KLHL23: variants seen among roughly 807,000 people sequenced by gnomAD.
The protein encoded by KLHL23 is kelch-like protein 23.
In KLHL23, 33 loss-of-function variants were observed where a neutral mutation model predicts 48.9. The ratio of observed to expected loss-of-function variants is 0.67; its 90% CI spans 0.51 to 0.90. KLHL23 has a LOEUF of 0.90. Ranked by LOEUF, KLHL23 falls within the 40% of genes least tolerant of loss-of-function variation. The probability of loss-of-function intolerance (pLI) is 0.00; values close to 1 mark genes in which losing one functional copy is unlikely to be tolerated. For missense variants in KLHL23, 608 were observed against 669.6 expected, an observed-to-expected ratio of 0.91 and a Z score of 1.02; for synonymous variants, 234 against 231.6, an observed-to-expected ratio of 1.01 and a Z score of -0.09.
chr2:169,744,249 A>G (rs769615561), intron 3 of KLHL23, among the ~76,000 whole-genome samples: 14 of 152,246 alleles, frequency 9.2e-5, no homozygotes, highest in Non-Finnish European at 1.3e-4. Flanking sequence ...AACAAGTGCT[A>G]TTGAAATTGA....
At chr2:169,746,804 G>C (rs1356771879) in intron 3 of KLHL23, among the ~76,000 whole-genome samples, 1 of 152,134 alleles carries the variant, frequency 6.6e-6, no homozygotes, top group Non-Finnish European at 1.5e-5. Flanking sequence ...AGTAATTTAA[G>C]AAAAGCCTAG....
chr2:169,740,308 C>T (rs1398405922), intron 2 of KLHL23, among the ~76,000 whole-genome samples: 1 of 151,722 alleles, frequency 6.6e-6, no homozygotes, highest in African/African-American at 2.4e-5. Context: ...GATGTGGTCT[C>T]ACTTTGTAGT....
Position 169,733,998 on chromosome 2 carries a change from T to A in KLHL23, c.-92T>A, listed in dbSNP as rs1417231379. 2 of 151,756 alleles carry A rather than the reference T, an allele frequency of 1.3e-5. No individual in the cohort carries two copies. The highest frequency in any genetic ancestry group is 2.9e-5 in the Non-Finnish European group (2 of 67,930). 9.4% of individuals were successfully genotyped at this position (151,756 alleles called of 1,614,324 possible). A position where few individuals can be genotyped will look rare whatever the true frequency, so the allele number is the denominator to read the frequency against. ...TAGCTGGCGGCTTCCGAGCGCCTCT[T>A]CCAAAGATGGTCAGAGGGGCCGGAG... On this transcript the variant is annotated 5_prime_UTR_variant, in exon 1 of 4. Transcript: ENST00000392647.
Position 169,750,251 on chromosome 2 carries a change from G to A in KLHL23, c.*519G>A, listed in dbSNP as rs1018234191. The A allele has an allele frequency of 3.9e-5, 6 of 153,452 alleles. No individual in the cohort carries two copies. Among genetic ancestry groups the A allele is most frequent in the Non-Finnish European group, 7.3e-5 (5 of 68,136 alleles). The allele number at this position is 153,452 out of a possible 1,614,324, so 9.5% of individuals were successfully genotyped here. On this transcript the variant is annotated 3_prime_UTR_variant, in exon 4 of 4. Coordinates refer to ENST00000392647, the MANE Select transcript of KLHL23 (RefSeq NM_144711.6). ...ACTTGGTAAAAGGTGAACTACCTTT[G>A]TAGTGAATCTTTTCCTCTTGGTAGC...
At chr2:169,738,373 C>A (rs148339123) in intron 2 of KLHL23, among the ~76,000 whole-genome samples, 3,916 of 152,174 alleles carry the variant, frequency 0.026, 62 homozygotes, top group East Asian at 0.08. Context: ...TCCCAAAGTG[C>A]GGGGATTATA....
At chr2:169,745,513 CAAAAAAAAAAA>C (rs1157957265) in intron 3 of KLHL23, among the ~76,000 whole-genome samples, 3 of 63,650 alleles carry the variant, frequency 4.7e-5, no homozygotes, top group Non-Finnish European at 7.6e-5. Context: ...GACTCCGTCT[CAAAAAAAAAAA>C]AAAAAAAAAA....
Position 169,747,395 on chromosome 2 carries a change from A to AAAAAAG in KLHL23, c.1367-2022_1367-2021insGAAAAA, listed in dbSNP as rs1358001522. Among the ~76,000 whole-genome samples, 5 of 150,338 alleles carry AAAAAAG rather than the reference A, an allele frequency of 3.3e-5. No individual in the cohort carries two copies. The East Asian group carries it at 9.8e-4, about 29-fold the overall frequency. ...CAGAGCGAGACTCTGTCTCTAAAAAAAAAAAAAAAAAAACTGAGGGAGAAC... is the reference window on the plus strand; with the variant it reads ...CAGAGCGAGACTCTGTCTCTAAAAAAAAAAAGAAAAAAAAAAAAACTGAGGGAGAAC... On this transcript the variant is annotated intron_variant, in intron 3 of 3. Transcript: ENST00000392647.
intron 3 of KLHL23, among the ~76,000 whole-genome samples, chr2:169,745,662 G>A (rs532130460): frequency 2.6e-5 from 4 of 152,248 alleles, no homozygotes; most frequent in African/African-American, 9.6e-5. Context: ...GAAAAGAGGG[G>A]CCGATGTGAG....
At position 169,735,066 on chromosome 2, in the gene KLHL23, C is replaced by A; in HGVS notation, c.52C>A (p.His18Asn). 1 of 1,594,360 alleles carries A rather than the reference C, an allele frequency of 6.3e-7. No individual in the cohort carries two copies. Among genetic ancestry groups the A allele is most frequent in the Non-Finnish European group, 8.5e-7 (1 of 1,174,022 alleles). ...DYIYLFKDSTHPVDFLDAFRT... is the reference protein window; with the variant it reads ...DYIYLFKDSTNPVDFLDAFRT... ...TATTTATCTTTTCAAGGATTCAACA[C>A]ATCCAGTGGATTTTCTGGATGCATT... Residue 18 changes from histidine to asparagine, a missense_variant, in exon 2 of 4, where the codon CAT becomes AAT. Transcript: ENST00000392647. The surrounding 1 kb of genome is among the most constrained non-coding windows in gnomAD (Gnocchi z 4.5).
chr2:169,737,195 T>C (rs183609001), intron 2 of KLHL23, among the ~76,000 whole-genome samples: 3 of 152,342 alleles, frequency 2.0e-5, no homozygotes, highest in Non-Finnish European at 2.9e-5. Context: ...TCTCGGATCA[T>C]TGAGAGGATT....
At chr2:169,747,974 A>AT (rs1169177105) in intron 3 of KLHL23, among the ~76,000 whole-genome samples, 3 of 152,112 alleles carry the variant, frequency 2.0e-5, no homozygotes, top group African/African-American at 7.2e-5. Flanking sequence ...AAATACAAAA[A>AT]TTAGCCAGTT....
rs958221129 is a variant in KLHL23 at position 169,749,811 on chromosome 2, C to T, written c.*79C>T. 6.7e-7 allele frequency: 1 copy of T among 1,489,350 alleles called. No homozygotes were observed. Among genetic ancestry groups the T allele is most frequent in the African/African-American group, 1.4e-5 (1 of 71,164 alleles). 92.3% of individuals were successfully genotyped at this position (1,489,350 alleles called of 1,614,324 possible). A position where few individuals can be genotyped will look rare whatever the true frequency, so the allele number is the denominator to read the frequency against. On this transcript the variant is annotated 3_prime_UTR_variant, in exon 4 of 4. Coordinates refer to ENST00000392647, the MANE Select transcript of KLHL23 (RefSeq NM_144711.6). ...AAAAAGAATGCAGGGTTTGAAGTTC[C>T]TTACCTGATAATTGTGTCTGGCACA...
chr2:169,743,051 G>A (rs569176279), intron 3 of KLHL23, among the ~76,000 whole-genome samples: 163 of 152,224 alleles, frequency 1.1e-3, no homozygotes, highest in African/African-American at 3.8e-3. Context: ...TTAGAACTGA[G>A]GTTCAAACCT....
rs144319775 is a variant in KLHL23, at chr2:169,748,537, C to T, written c.1367-885C>T. Among the ~76,000 whole-genome samples, 17 of 152,246 alleles carry T rather than the reference C, an allele frequency of 1.1e-4. 1 individual carries two copies. The East Asian group carries it at 2.7e-3, about 24-fold the overall frequency. On this transcript the variant is annotated intron_variant, in intron 3 of 3. Coordinates refer to ENST00000392647, the MANE Select transcript of KLHL23 (RefSeq NM_144711.6). ...AAACAGGGCAGAGACCAGGATGAGG[C>T]AAATGAGATGCTTCAGGCACAAAAT...
chr2:169,750,122 A>ATACGTGTGTATG lies in KLHL23; in HGVS notation c.*392_*393insCGTGTGTATGTA, dbSNP rs1558952792. 2 of 143,938 alleles carry ATACGTGTGTATG rather than the reference A, an allele frequency of 1.4e-5. No homozygotes were observed. Among genetic ancestry groups the ATACGTGTGTATG allele is most frequent in the Admixed American group, 6.9e-5 (1 of 14,592 alleles). The allele number at this position is 143,938 out of a possible 1,614,324, so 8.9% of individuals were successfully genotyped here. A position where few individuals can be genotyped will look rare whatever the true frequency, so the allele number is the denominator to read the frequency against. ...TGTATACATATATATGTGTGTATAT[A>ATACGTGTGTATG]TATACACATATATACGTATATATGT... On this transcript the variant is annotated 3_prime_UTR_variant, in exon 4 of 4. Coordinates refer to ENST00000392647, the MANE Select transcript of KLHL23 (RefSeq NM_144711.6).
At chr2:169,749,314 A>AT (rs1414911345) in intron 3 of KLHL23, 108 bp from the exon 4 acceptor site, 8 of 1,233,370 alleles carry the variant, frequency 6.5e-6, no homozygotes, top group Non-Finnish European at 8.7e-6. Context: ...ACCACTCCCT[A>AT]TTTTTTGTGT....
intron 3 of KLHL23, among the ~76,000 whole-genome samples, chr2:169,746,312 T>C (rs1222852202): frequency 1.3e-5 from 2 of 152,266 alleles, no homozygotes; most frequent in African/African-American, 2.4e-5. Flanking sequence ...GGAAAAAAAA[T>C]TGAAATCAAT....
At chr2:169,744,471 G>T (rs1688746541) in intron 3 of KLHL23, among the ~76,000 whole-genome samples, 2 of 152,160 alleles carry the variant, frequency 1.3e-5, no homozygotes, top group African/African-American at 4.8e-5. Flanking sequence ...AGACATGAAT[G>T]AATGGAATGT....
chr2:169,735,516 G>T lies in KLHL23; in HGVS notation c.502G>T (p.Glu168Ter). ...SRRILCSKFK[E>*]VWQQEEFLEI... ...AAGAATTCTATGTTCAAAGTTTAAG[G>T]AAGTGTGGCAACAAGAAGAATTTCT... is the stretch of plus-strand genomic sequence containing the variant. The change falls in exon 2 of 4, where the codon GAA becomes TAA. Residue 168 changes from glutamate to a stop codon, truncating the protein, a stop_gained. Coordinates refer to ENST00000392647, the MANE Select transcript of KLHL23 (RefSeq NM_144711.6). LOFTEE classifies it high-confidence loss of function. This position sits in a 1 kb window ranked among gnomAD's most constrained non-coding sequence, Gnocchi z 4.5. 6.2e-7 allele frequency: 1 copy of T among 1,613,952 alleles called. No homozygotes were observed. Among genetic ancestry groups the T allele is most frequent in the Non-Finnish European group, 8.5e-7 (1 of 1,180,006 alleles).
Sources: gnomAD v4.1 joint callset for allele counts (sites outside exome capture counted in the v4.1 genomes callset) on GRCh38, gnomAD v4.1.1 for gene constraint, Gnocchi (gnomAD v3.1) non-coding constraint, MANE v1.5 for transcripts, NCBI Gene and HGNC (gene_info 2026-07-23, HGNC 2026-07-21) for gene names.